CABLES1: variants seen among roughly 807,000 people sequenced by gnomAD.
CABLES1 encodes the protein Cdk5 and Abl enzyme substrate 1.
A neutral mutation model predicts 57.8 loss-of-function variants in CABLES1; 36 were observed. That is an observed-to-expected ratio of 0.62 (90% CI 0.48 to 0.82). The LOEUF (loss-of-function observed/expected upper bound fraction) is 0.82, where lower values mean the gene tolerates loss of function less well. Among genes scored for constraint, CABLES1 ranks in the 40% least tolerant of loss-of-function variants. The probability of loss-of-function intolerance (pLI) is 0.00; values close to 1 mark genes in which losing one functional copy is unlikely to be tolerated. For missense variants in CABLES1, 767 were observed against 836.6 expected (o/e 0.92, Z 1.03); for synonymous variants, 374 against 363.0 (o/e 1.03, Z -0.35).
At chr18:23,219,161 G>A (rs2047467198) in intron 4 of CABLES1, 1 of 453,974 alleles carries the variant, frequency 2.2e-6, no homozygotes, top group Non-Finnish European at 4.4e-6. Context: ...ACTGTGTGCT[G>A]GGCACTGCCA....
At position 23,178,507 on chromosome 18, in the gene CABLES1, C is replaced by T. The variant is rs555711296; in HGVS notation, c.846-10331C>T. 9.8e-5 allele frequency among the ~76,000 whole-genome samples: 15 copies of T among 152,338 alleles called. No homozygotes were observed. The South Asian group carries it at 2.7e-3, about 27-fold the overall frequency. ...ATGGCGGCCAGGTGTGCTGTGTCTG[C>T]TGCTGTGTTCTGACCTTCCCTCTAG... is the stretch of plus-strand genomic sequence containing the variant. On this transcript the variant is annotated intron_variant, in intron 1 of 9. Transcript: ENST00000256925.
At chr18:23,152,890 C>T (rs1406731968) in intron 1 of CABLES1, among the ~76,000 whole-genome samples, 1 of 151,906 alleles carries the variant, frequency 6.6e-6, no homozygotes. Flanking sequence ...CAACCTCCAC[C>T]TCCCGGGTTC....
intron 1 of CABLES1, among the ~76,000 whole-genome samples, chr18:23,165,112 G>A (rs567128771): frequency 8.6e-5 from 13 of 151,978 alleles, no homozygotes; most frequent in African/African-American, 3.1e-4. Context: ...TTCTTTTTTA[G>A]AGACAGGGTC....
intron 1 of CABLES1, among the ~76,000 whole-genome samples, chr18:23,185,349 A>G (rs2047195054): frequency 6.6e-6 from 1 of 152,114 alleles, no homozygotes; most frequent in Admixed American, 6.5e-5. Flanking sequence ...CACAGCCCTG[A>G]AGGACGCAGG....
chr18:23,155,513 T>G (rs2046959553), intron 1 of CABLES1, among the ~76,000 whole-genome samples: 1 of 152,250 alleles, frequency 6.6e-6, no homozygotes, highest in South Asian at 2.1e-4. Context: ...AGTCTCCAGT[T>G]TCTTTTTATA....
intron 1 of CABLES1, among the ~76,000 whole-genome samples, chr18:23,173,515 A>G (rs1215243173): frequency 1.3e-5 from 2 of 152,158 alleles, no homozygotes; most frequent in African/African-American, 4.8e-5. Flanking sequence ...AGGTCTAAAA[A>G]CAGTTCTAAT....
chr18:23,199,573 A>T (rs1463210154), intron 3 of CABLES1, among the ~76,000 whole-genome samples: 1 of 152,236 alleles, frequency 6.6e-6, no homozygotes, highest in East Asian at 1.9e-4. Flanking sequence ...AAATAAGCTG[A>T]GTGAAATGAG....
At chr18:23,180,580 G>T (rs190706199) in intron 1 of CABLES1, among the ~76,000 whole-genome samples, 21 of 152,230 alleles carry the variant, frequency 1.4e-4, no homozygotes, top group African/African-American at 4.8e-4. Flanking sequence ...GCAGTAATGC[G>T]ATCATAACTC....
chr18:23,216,988 A>G (rs2047446822), intron 4 of CABLES1, among the ~76,000 whole-genome samples: 1 of 152,136 alleles, frequency 6.6e-6, no homozygotes. Context: ...CACCTTTTAC[A>G]TCCTAGGTGT....
intron 1 of CABLES1, among the ~76,000 whole-genome samples, chr18:23,153,495 A>G (rs1054741503): frequency 1.3e-5 from 2 of 152,056 alleles, no homozygotes; most frequent in Non-Finnish European, 2.9e-5. Context: ...GCACTTTGGG[A>G]GGCTGAGGCA....
At chr18:23,233,138 A>G (rs1344954211) in intron 4 of CABLES1, among the ~76,000 whole-genome samples, 1 of 152,174 alleles carries the variant, frequency 6.6e-6, no homozygotes, top group Non-Finnish European at 1.5e-5. Context: ...TCATTCCCAA[A>G]CATGGCTGCA....
At chr18:23,178,156 T>C (rs560980984) in intron 1 of CABLES1, among the ~76,000 whole-genome samples, 95 of 152,036 alleles carry the variant, frequency 6.2e-4, no homozygotes, top group African/African-American at 2.2e-3. Flanking sequence ...CAATGTGTTC[T>C]GTAGCAAGAT....
intron 4 of CABLES1, 62 bp downstream of exon 4, chr18:23,214,116 T>C (rs779353910): frequency 8.6e-7 from 1 of 1,162,420 alleles, no homozygotes; most frequent in Non-Finnish European, 1.3e-6. Context: ...CCAATGTACA[T>C]AATGTGGCCA....
intron 7 of CABLES1, among the ~76,000 whole-genome samples, chr18:23,242,530 G>A (rs1240550889): frequency 6.6e-6 from 1 of 152,202 alleles, no homozygotes; most frequent in Non-Finnish European, 1.5e-5. Flanking sequence ...CAGGTCGGTA[G>A]TGGGTTTTTG....
Position 23,236,717 on chromosome 18 carries a change from A to G in CABLES1, c.1343-425A>G, listed in dbSNP as rs62093430. Among the ~76,000 whole-genome samples the G allele has an allele frequency of 5.7e-3, 874 of 152,298 alleles. 3 individuals are homozygous for G. The highest frequency in any genetic ancestry group is 9.4e-3 in the Non-Finnish European group (641 of 68,034). On this transcript the variant is annotated intron_variant, in intron 6 of 9. Transcript: ENST00000256925. ...TTGGTGGCCGCTCTGATTTGTATTC[A>G]TACGGACACAATAGCATGCCTGGAA... is the stretch of plus-strand genomic sequence containing the variant.
rs116956160 is a variant in CABLES1, at chr18:23,251,445, C to T, written c.1447-1515C>T. ...CAGCTTGGGCAACAGAGCATGACTCCGTCTCAAAAAAAATAAAAAAAGATT... is the reference window on the plus strand; with the variant it reads ...CAGCTTGGGCAACAGAGCATGACTCTGTCTCAAAAAAAATAAAAAAAGATT... On this transcript the variant is annotated intron_variant, in intron 7 of 9. Coordinates refer to ENST00000256925, the MANE Select transcript of CABLES1 (RefSeq NM_001100619.3). Among the ~76,000 whole-genome samples the T allele has an allele frequency of 4.4e-3, 673 of 151,584 alleles. 5 individuals are homozygous for T. The highest frequency in any genetic ancestry group is 7.6e-3 in the Non-Finnish European group (519 of 67,914).
chr18:23,155,897 C>T (rs1384597259), intron 1 of CABLES1: 1 of 1,613,828 alleles, frequency 6.2e-7, no homozygotes, highest in East Asian at 2.2e-5. Flanking sequence ...CTGCCTCCTT[C>T]CTTGAATGCT....
chr18:23,147,399 C>G (rs2046898142), intron 1 of CABLES1, among the ~76,000 whole-genome samples: 1 of 152,216 alleles, frequency 6.6e-6, no homozygotes, highest in Non-Finnish European at 1.5e-5. Context: ...TGGGGTGTTG[C>G]AAATATTAAA....
At chr18:23,213,370 T>G (rs1314914353) in intron 3 of CABLES1, among the ~76,000 whole-genome samples, 2 of 151,244 alleles carry the variant, frequency 1.3e-5, no homozygotes. Flanking sequence ...TGTTTTAATG[T>G]TTTTTTTTAA....
Sources: gnomAD v4.1 joint callset for allele counts (sites outside exome capture counted in the v4.1 genomes callset) on GRCh38, gnomAD v4.1.1 for gene constraint, MANE v1.5 for transcripts, NCBI Gene and HGNC (gene_info 2026-07-23, HGNC 2026-07-21) for gene names.